CTNNA2: variants seen among roughly 807,000 people sequenced by gnomAD.
CTNNA2 encodes the protein catenin alpha 2.
Under a neutral mutation model 101.0 loss-of-function variants are expected in CTNNA2, and 42 were observed. The observed-to-expected ratio is 0.42, with a 90% CI of 0.32 to 0.54. CTNNA2 has a LOEUF of 0.54. CTNNA2 is among the 20% of genes least tolerant of loss of function. The pLI is 0.14. For missense variants in CTNNA2, 871 were observed against 1,223.1 expected, an observed-to-expected ratio of 0.71 and a Z score of 4.29; for synonymous variants, 450 against 456.4, an observed-to-expected ratio of 0.99 and a Z score of 0.18.
rs376304710 is a variant in CTNNA2 at position 80,097,437 on chromosome 2, T to G, written c.1056+187640T>G. On this transcript the variant is annotated intron_variant, in intron 7 of 18. Transcript: ENST00000402739. ...GACCTTTCTCTCTGGCTGCCCTTAA[T>G]ATTTTTTCCTTCATTTCAACTTTGG... 2.0e-5 allele frequency among the ~76,000 whole-genome samples: 3 copies of G among 152,240 alleles called. No homozygotes were observed. In the East Asian group the frequency reaches 5.8e-4, roughly 29 times the overall value.
intron 7 of CTNNA2, among the ~76,000 whole-genome samples, chr2:80,085,969 G>A (rs190526412): frequency 1.2e-4 from 19 of 152,142 alleles, no homozygotes; most frequent in Non-Finnish European, 2.2e-4. Flanking sequence ...TAGCAAGAAA[G>A]TATAGCTCTG....
chr2:79,587,416 C>T (rs1676567440), intron 1 of CTNNA2, among the ~76,000 whole-genome samples: 3 of 152,090 alleles, frequency 2.0e-5, no homozygotes, highest in East Asian at 3.9e-4. Context: ...AGCCCTCTGG[C>T]TTCAAAGTGT....
intron 1 of CTNNA2, among the ~76,000 whole-genome samples, chr2:79,639,696 G>C (rs181423176): frequency 1.5e-4 from 23 of 151,968 alleles, no homozygotes; most frequent in Admixed American, 8.5e-4. Context: ...TTGTTGAATG[G>C]GATTCAAATT....
At chr2:79,846,203 T>C (rs145906451) in intron 3 of CTNNA2, among the ~76,000 whole-genome samples, 2 of 152,354 alleles carry the variant, frequency 1.3e-5, no homozygotes, top group African/African-American at 4.8e-5. Context: ...AAATATGTGG[T>C]AGAATTTTCT....
intron 3 of CTNNA2, among the ~76,000 whole-genome samples, chr2:79,317,241 C>T (rs1396964985): frequency 6.6e-6 from 1 of 151,970 alleles, no homozygotes; most frequent in Non-Finnish European, 1.5e-5. Flanking sequence ...ACAAATCTCG[C>T]ATTATTGGGA....
At chr2:80,284,296 C>CT (rs1415542484) in intron 7 of CTNNA2, among the ~76,000 whole-genome samples, 4 of 152,266 alleles carry the variant, frequency 2.6e-5, no homozygotes, top group Non-Finnish European at 5.9e-5. Flanking sequence ...GTAGTCCCAA[C>CT]TTTCTCAGGC....
intron 4 of CTNNA2, among the ~76,000 whole-genome samples, chr2:79,864,115 C>G (rs1317861894): frequency 6.6e-6 from 1 of 152,192 alleles, no homozygotes; most frequent in African/African-American, 2.4e-5. Flanking sequence ...TTCAGCGGCC[C>G]ATCCATATTT....
chr2:79,518,880 G>GTT lies in CTNNA2; in HGVS notation c.-6+5682_-6+5683dup, dbSNP rs142460002. 2.3e-4 allele frequency among the ~76,000 whole-genome samples: 35 copies of GTT among 150,100 alleles called. No homozygotes were observed. The South Asian group carries it at 4.0e-3, about 17-fold the overall frequency. On this transcript the variant is annotated intron_variant, in intron 1 of 18. Transcript: ENST00000402739. ...TTGCCAGAGTAATTTCACAAAATAT[G>GTT]TTTTTTTTTTCTAATATGTGGAAGT...
At chr2:79,232,770 G>A (rs1324725399) in intron 2 of CTNNA2, among the ~76,000 whole-genome samples, 1 of 152,128 alleles carries the variant, frequency 6.6e-6, no homozygotes, top group African/African-American at 2.4e-5. Context: ...ATCTTGGGAA[G>A]TTGTGTGTTT....
intron 7 of CTNNA2, among the ~76,000 whole-genome samples, chr2:80,209,644 A>T (rs1183041657): frequency 1.3e-5 from 2 of 151,974 alleles, no homozygotes; most frequent in Non-Finnish European, 2.9e-5. Flanking sequence ...ACGCACACAC[A>T]TACTAAAAAC....
intron 2 of CTNNA2, among the ~76,000 whole-genome samples, chr2:79,220,056 T>A (rs1674321488): frequency 6.6e-6 from 1 of 152,222 alleles, no homozygotes; most frequent in Non-Finnish European, 1.5e-5. Context: ...GTTAGAGTTT[T>A]GTTGTAAATT....
intron 7 of CTNNA2, among the ~76,000 whole-genome samples, chr2:80,050,477 AT>A (rs1696806809): frequency 6.6e-6 from 1 of 152,110 alleles, no homozygotes; most frequent in Non-Finnish European, 1.5e-5. Context: ...TGTCCCTTGC[AT>A]TGTGCTCCCA....
At chr2:80,186,973 C>T (rs1486845753) in intron 7 of CTNNA2, among the ~76,000 whole-genome samples, 1 of 152,230 alleles carries the variant, frequency 6.6e-6, no homozygotes, top group East Asian at 1.9e-4. Context: ...AGAACTTACA[C>T]TGGATAGCAT....
intron 7 of CTNNA2, among the ~76,000 whole-genome samples, chr2:80,318,818 G>A (rs115350589): frequency 0.011 from 1,611 of 152,178 alleles, 37 homozygotes; most frequent in African/African-American, 0.036. Flanking sequence ...TTCCAAGCCC[G>A]TAGAGCAATG....
At chr2:79,550,969 A>G (rs543803309) in intron 1 of CTNNA2, among the ~76,000 whole-genome samples, 108 of 152,322 alleles carry the variant, frequency 7.1e-4, no homozygotes, top group African/African-American at 2.6e-3. Flanking sequence ...ATAGAGGAAT[A>G]ATGGAATCTG....
chr2:79,400,297 T>A (rs918992462), intron 4 of CTNNA2, among the ~76,000 whole-genome samples: 1 of 152,010 alleles, frequency 6.6e-6, no homozygotes, highest in African/African-American at 2.4e-5. Context: ...AGCTTTTTTA[T>A]CTTAGTAGCT....
At chr2:79,206,551 A>G (rs759743115) in intron 2 of CTNNA2, among the ~76,000 whole-genome samples, 2 of 151,828 alleles carry the variant, frequency 1.3e-5, no homozygotes, top group Non-Finnish European at 2.9e-5. Flanking sequence ...CTCCTTTCTC[A>G]CCATTTTGAC....
chr2:80,589,862 G>C (rs1285156468), intron 15 of CTNNA2, among the ~76,000 whole-genome samples: 1 of 40,154 alleles, frequency 2.5e-5, no homozygotes, highest in Non-Finnish European at 5.0e-5. Context: ...ATGTACCTCT[G>C]TGTGTGTGTG....
intron 4 of CTNNA2, among the ~76,000 whole-genome samples, chr2:79,378,044 T>C (rs1044051594): frequency 3.3e-5 from 5 of 152,160 alleles, no homozygotes; most frequent in African/African-American, 1.2e-4. Flanking sequence ...TCCTAATCAA[T>C]TAAGTCAAAT....
Sources: gnomAD v4.1 joint callset for allele counts (sites outside exome capture counted in the v4.1 genomes callset) on GRCh38, gnomAD v4.1.1 for gene constraint, MANE v1.5 for transcripts, NCBI Gene and HGNC (gene_info 2026-07-23, HGNC 2026-07-21) for gene names.